The following UBXN8 variants were observed in gnomAD, a reference collection of about 807,000 sequenced individuals.
UBXN8 encodes UBX domain-containing protein 8.
Under a neutral mutation model 32.1 loss-of-function variants are expected in UBXN8, and 27 were observed. That is an observed-to-expected ratio of 0.84 (90% CI 0.62 to 1.16). The LOEUF is 1.16. Ranked by LOEUF, UBXN8 falls within the 50% of genes most tolerant of loss-of-function variation. UBXN8 has a pLI of 0.00. For synonymous variants in UBXN8, 109 were observed against 111.8 expected (o/e 0.98, Z 0.16); for missense variants, 306 against 311.4 (o/e 0.98, Z 0.13).
rs144984856 is a variant in UBXN8, at chr8:30,760,835, C to T, written c.529-53C>T. ...TATTGAGAGGAACTCTTCTCATTGACACTTTTGCTTGTTGAACATGTTTAC... is the reference window on the plus strand; with the variant it reads ...TATTGAGAGGAACTCTTCTCATTGATACTTTTGCTTGTTGAACATGTTTAC... On this transcript the variant is annotated intron_variant, in intron 5 of 7. Coordinates refer to ENST00000265616, the MANE Select transcript of UBXN8 (RefSeq NM_005671.4). 2.5e-3 allele frequency: 2,951 copies of T among 1,201,362 alleles called. 12 individuals are homozygous for T. Among genetic ancestry groups the T allele is most frequent in the Middle Eastern group, 7.8e-3 (41 of 5,250 alleles). 74.4% of individuals were successfully genotyped at this position (1,201,362 alleles called of 1,614,324 possible).
chr8:30,765,213 A>G (rs1386956672), intron 7 of UBXN8, among the ~76,000 whole-genome samples: 2 of 152,218 alleles, frequency 1.3e-5, no homozygotes, highest in East Asian at 1.9e-4. Context: ...GTGCCTGGCC[A>G]TCATAACTTG....
rs1025731734 is a variant in UBXN8 at position 30,758,456 on chromosome 8, T to G, written c.528+1569T>G. ...ATCTTCAATCCTTAACTAAGTTAAT[T>G]CCAATTGGAGCTGGAAAAGATTAGA... is the stretch of plus-strand genomic sequence containing the variant. On this transcript the variant is annotated intron_variant, in intron 5 of 7. Coordinates refer to ENST00000265616, the MANE Select transcript of UBXN8 (RefSeq NM_005671.4). 5.3e-5 allele frequency among the ~76,000 whole-genome samples: 8 copies of G among 152,194 alleles called. No homozygotes were observed. In the South Asian group the frequency reaches 1.7e-3, roughly 31 times the overall value.
chr8:30,729,984 G>A (rs1285094893), upstream of UBXN8, among the ~76,000 whole-genome samples: 1 of 152,198 alleles, frequency 6.6e-6, no homozygotes, highest in East Asian at 1.9e-4. Context: ...AACTCCTGAA[G>A]TTCTGTTCGA....
rs1042752255 is a variant in UBXN8 at position 30,751,468 on chromosome 8, T to G, written c.161T>G (p.Val54Gly). Residue 54 changes from valine to glycine, a missense_variant, in exon 2 of 8, where the codon GTG becomes GGG. Val to Gly is a moderately radical substitution (Grantham distance 109, BLOSUM62 -3). Coordinates refer to ENST00000265616, the MANE Select transcript of UBXN8 (RefSeq NM_005671.4). ...LLALLTLTISVTTSWLNSFKS... is the reference protein window; with the variant it reads ...LLALLTLTISGTTSWLNSFKS... ...GCTCTTCTTACTTTAACTATTTCTG[T>G]GACTACCTCATGGCTTAACTCATTT... 2 of 1,611,284 alleles carry G rather than the reference T, an allele frequency of 1.2e-6. No homozygotes were observed. The highest frequency in any genetic ancestry group is 3.3e-5 in the Admixed American group (2 of 59,708).
upstream of UBXN8, among the ~76,000 whole-genome samples, chr8:30,743,537 G>C (rs1035952325): frequency 3.3e-5 from 5 of 152,202 alleles, no homozygotes; most frequent in Non-Finnish European, 7.3e-5. Flanking sequence ...GTGAGTTATA[G>C]GACGGCAATG....
At chr8:30,751,357 A>G (rs746715704) in intron 1 of UBXN8, 39 bp from the exon 2 acceptor site, 31 of 1,528,598 alleles carry the variant, frequency 2.0e-5, no homozygotes, top group Non-Finnish European at 2.6e-5. Context: ...CTTAAAAAAA[A>G]AGTTTTGAAT....
At chr8:30,765,481 C>T (rs1805974237) in intron 7 of UBXN8, among the ~76,000 whole-genome samples, 1 of 151,088 alleles carries the variant, frequency 6.6e-6, no homozygotes, top group Admixed American at 6.6e-5. Flanking sequence ...GCCATCTTAC[C>T]CAGGCTGGTC....
At chr8:30,753,421 T>TA (rs928588832) in intron 3 of UBXN8, among the ~76,000 whole-genome samples, 2 of 152,070 alleles carry the variant, frequency 1.3e-5, no homozygotes, top group Non-Finnish European at 2.9e-5. Context: ...CACACCCAGC[T>TA]AATTTTTGTA....
chr8:30,748,824 A>C lies in UBXN8; in HGVS notation c.89-2572A>C, dbSNP rs564785811. On this transcript the variant is annotated intron_variant, in intron 1 of 7. Transcript: ENST00000265616. Reference sequence around the variant, plus strand: ...CCAAAGTGCTGGGATTACAGGCATGAGCCATCTCGCCCGGCCTATATATAT... The same window carrying C: ...CCAAAGTGCTGGGATTACAGGCATGCGCCATCTCGCCCGGCCTATATATAT... Among the ~76,000 whole-genome samples, 3 of 152,284 alleles carry C rather than the reference A, an allele frequency of 2.0e-5. No homozygotes were observed. In the South Asian group the frequency reaches 6.2e-4, roughly 32 times the overall value.
At chr8:30,760,979 G>A (rs1293030430) in intron 6 of UBXN8, 50 bp downstream of exon 6, 3 of 1,309,458 alleles carry the variant, frequency 2.3e-6, no homozygotes, top group South Asian at 2.8e-5. Flanking sequence ...TATTTTCTTT[G>A]CTTAACATCC....
In UBXN8 at chr8:30,751,410, CT is replaced by C; in HGVS notation, c.107del (p.Leu36CysfsTer15). The stretch of plus-strand genomic sequence containing the variant: ...TCCTTTATCAGGAATCAAGGATTTT[CT>C]TTTGCTTTGTGGCCGGATTTTGCTA... ...GIPDIGIKDFLLLCGRILLLL... is the reference protein window; with the variant it reads ...GIPDIGIKDFXLLCGRILLLL... On this transcript the variant is annotated frameshift_variant, in exon 2 of 8. Coordinates refer to ENST00000265616, the MANE Select transcript of UBXN8 (RefSeq NM_005671.4). LOFTEE classifies it high-confidence loss of function. The C allele has an allele frequency of 6.3e-7, 1 of 1,586,054 alleles. No homozygotes were observed.
At chr8:30,729,663 A>G (rs189901936), upstream of UBXN8, among the ~76,000 whole-genome samples, 170 of 152,316 alleles carry the variant, frequency 1.1e-3, no homozygotes, top group African/African-American at 4.0e-3. Flanking sequence ...TCCTCTAGGA[A>G]CTATGTTGAA....
Position 30,763,015 on chromosome 8 carries a change from G to A in UBXN8, c.571-258G>A, listed in dbSNP as rs1451993944. On this transcript the variant is annotated intron_variant, in intron 6 of 7. Transcript: ENST00000265616. Reference sequence around the variant, plus strand: ...CTCCCAAGTAGCTGGGACTAGAGGCGTGCACCCACATCTAGCTAATTTTTC... The same window carrying A: ...CTCCCAAGTAGCTGGGACTAGAGGCATGCACCCACATCTAGCTAATTTTTC... 2.0e-5 allele frequency: 9 copies of A among 448,636 alleles called. No homozygotes were observed. The Admixed American group carries it at 2.2e-4, about 11-fold the overall frequency. The allele number at this position is 448,636 out of a possible 1,614,324, so 27.8% of individuals were successfully genotyped here.
intron 7 of UBXN8, among the ~76,000 whole-genome samples, chr8:30,763,806 C>T (rs1234122445): frequency 6.6e-6 from 1 of 152,086 alleles, no homozygotes; most frequent in Admixed American, 6.6e-5. Flanking sequence ...GCCTGGCCAA[C>T]ATGGTTAAAC....
At chr8:30,765,360 A>AG (rs1805969929) in intron 7 of UBXN8, among the ~76,000 whole-genome samples, 1 of 151,812 alleles carries the variant, frequency 6.6e-6, no homozygotes, top group Admixed American at 6.6e-5. Context: ...TGAAACCTCA[A>AG]CCTCCCCGGA....
upstream of UBXN8, among the ~76,000 whole-genome samples, chr8:30,729,421 T>C (rs187346070): frequency 6.6e-6 from 1 of 152,370 alleles, no homozygotes; most frequent in Non-Finnish European, 1.5e-5. Flanking sequence ...GTGCCTGTAC[T>C]GGCACTTTGG....
chr8:30,754,976 A>G (rs372945322), intron 4 of UBXN8, among the ~76,000 whole-genome samples, 189 bp downstream of exon 4: 3 of 128,070 alleles, frequency 2.3e-5, no homozygotes, highest in East Asian at 5.2e-4. Context: ...TTTTTTTGAG[A>G]TGGAGTCTTG....
At chr8:30,730,013 A>G (rs1234189532), upstream of UBXN8, among the ~76,000 whole-genome samples, 1 of 152,200 alleles carries the variant, frequency 6.6e-6, no homozygotes, top group African/African-American at 2.4e-5. Flanking sequence ...CAGACGATCC[A>G]TTGCAGGAGA....
intron 5 of UBXN8, 66 bp downstream of exon 5, chr8:30,756,953 A>AGGTGGTATACTGGGT: frequency 3.1e-6 from 5 of 1,593,276 alleles, no homozygotes; most frequent in Non-Finnish European, 4.3e-6. Flanking sequence ...ACTCTGGGTG[A>AGGTGGTATACTGGGT]GGTGGTATAC....
Sources: allele counts gnomAD v4.1 joint callset (sites outside exome capture counted in the v4.1 genomes callset), GRCh38; gene constraint gnomAD v4.1.1; transcripts MANE v1.5; gene names NCBI Gene and HGNC (gene_info 2026-07-23, HGNC 2026-07-21).